SCTR: variants seen among roughly 807,000 people sequenced by gnomAD.
SCTR encodes pancreatic secretin receptor.
In SCTR, 56 loss-of-function variants were observed where a neutral mutation model predicts 60.8. The observed-to-expected ratio is 0.92, with a 90% CI of 0.74 to 1.15. The LOEUF is 1.15. Among genes scored for constraint, SCTR ranks in the 50% most tolerant of loss-of-function variants. The pLI is 0.00. For missense variants in SCTR, 562 were observed against 550.4 expected (o/e 1.02, Z -0.21); for synonymous variants, 202 against 217.0 (o/e 0.93, Z 0.61).
intron 2 of SCTR, among the ~76,000 whole-genome samples, chr2:119,480,335 C>T (rs941562794): frequency 1.3e-5 from 2 of 152,132 alleles, no homozygotes; most frequent in Non-Finnish European, 2.9e-5. Flanking sequence ...TCTTACATGG[C>T]GGTGGGCAGG....
At chr2:119,457,972 G>C (rs1305842309) in intron 7 of SCTR, among the ~76,000 whole-genome samples, 1 of 152,128 alleles carries the variant, frequency 6.6e-6, no homozygotes. Context: ...CCAAGTACAT[G>C]AATGACTTTG....
At chr2:119,506,198 T>C (rs1211683115) in intron 1 of SCTR, among the ~76,000 whole-genome samples, 1 of 152,188 alleles carries the variant, frequency 6.6e-6, no homozygotes, top group Non-Finnish European at 1.5e-5. Flanking sequence ...CAGAAAAACC[T>C]GTTCATAAAT....
In SCTR at chr2:119,446,824, C is replaced by G. The variant is rs770050926; in HGVS notation, c.1075G>C (p.Ala359Pro). Reference sequence around the variant, plus strand: ...TCCATAGCGTCCTCTGGGGAGAAGGCGAAGACGATGTAGTGGATGCCAAAG... The same window carrying G: ...TCCATAGCGTCCTCTGGGGAGAAGGGGAAGACGATGTAGTGGATGCCAAAG... ...PLFGIHYIVFAFSPEDAMEIQ... is the reference protein window; with the variant it reads ...PLFGIHYIVFPFSPEDAMEIQ... The change falls in exon 11 of 13, where the codon GCC (alanine) becomes CCC (proline). Residue 359 changes from alanine (A) to proline (P), a missense_variant. Coordinates refer to ENST00000019103, the MANE Select transcript of SCTR (RefSeq NM_002980.3). The G allele has an allele frequency of 3.8e-6, 6 of 1,581,816 alleles. No homozygotes were observed. Among genetic ancestry groups the G allele is most frequent in the African/African-American group, 1.4e-5 (1 of 73,576 alleles).
intron 9 of SCTR, among the ~76,000 whole-genome samples, chr2:119,450,015 G>T (rs1213466088): frequency 7.3e-6 from 1 of 137,828 alleles, no homozygotes; most frequent in Non-Finnish European, 1.6e-5. Flanking sequence ...AGGGAGGGAG[G>T]GAAGGAAGGC....
intron 3 of SCTR, 123 bp downstream of exon 3, chr2:119,478,688 C>T (rs1677449415): frequency 2.6e-6 from 2 of 783,868 alleles, no homozygotes; most frequent in African/African-American, 1.7e-5. Context: ...AGTGATCTCC[C>T]CCATCATTGT....
At chr2:119,511,611 T>G (rs2587669) in intron 1 of SCTR, among the ~76,000 whole-genome samples, 8,217 of 152,242 alleles carry the variant, frequency 0.054, 337 homozygotes, top group African/African-American at 0.1. Context: ...TTCCTCCGGA[T>G]ATTTCTGTCT....
chr2:119,465,284 A>G (rs1389890654), intron 5 of SCTR, among the ~76,000 whole-genome samples: 1 of 152,166 alleles, frequency 6.6e-6, no homozygotes, highest in Non-Finnish European at 1.5e-5. Context: ...TGTCTCTGCC[A>G]CTTCTGCAGA....
At chr2:119,517,590 T>G (rs1573933050) in intron 1 of SCTR, among the ~76,000 whole-genome samples, 1 of 152,096 alleles carries the variant, frequency 6.6e-6, no homozygotes, top group Non-Finnish European at 1.5e-5. Flanking sequence ...GTGAGTGAAG[T>G]GGAGGCAATG....
chr2:119,461,799 A>C (rs1233319320), intron 7 of SCTR, 48 bp downstream of exon 7: 28 of 1,523,290 alleles, frequency 1.8e-5, no homozygotes, highest in Non-Finnish European at 2.3e-5. Flanking sequence ...TCGACTCAGC[A>C]CCCCTTCCCA....
intron 12 of SCTR, among the ~76,000 whole-genome samples, chr2:119,440,791 A>C (rs1573773318): frequency 6.6e-6 from 1 of 152,354 alleles, no homozygotes; most frequent in East Asian, 1.9e-4. Context: ...ACCCAAGCTC[A>C]GAACTGATCT....
chr2:119,503,996 C>T (rs982333557), intron 1 of SCTR, among the ~76,000 whole-genome samples: 7 of 152,020 alleles, frequency 4.6e-5, no homozygotes, highest in East Asian at 1.9e-4. Context: ...TGGAAAGAAT[C>T]GGTTTACCTG....
chr2:119,517,817 C>G (rs1217247597), intron 1 of SCTR, among the ~76,000 whole-genome samples: 1 of 152,138 alleles, frequency 6.6e-6, no homozygotes, highest in Non-Finnish European at 1.5e-5. Flanking sequence ...GTCTGGGGAA[C>G]AGCCTCTCTT....
intron 4 of SCTR, 147 bp from the exon 5 acceptor site, chr2:119,466,033 C>T: frequency 4.8e-6 from 3 of 620,040 alleles, no homozygotes; most frequent in South Asian, 1.9e-5. Flanking sequence ...AGACACATAA[C>T]ACCGTAACAT....
At chr2:119,454,642 T>A (rs991640377) in intron 7 of SCTR, among the ~76,000 whole-genome samples, 1 of 151,964 alleles carries the variant, frequency 6.6e-6, no homozygotes, top group African/African-American at 2.4e-5. Context: ...TCACCCGAGG[T>A]CAGGAGTTCG....
intron 1 of SCTR, among the ~76,000 whole-genome samples, chr2:119,516,102 T>C (rs1033311776): frequency 1.3e-5 from 2 of 152,228 alleles, no homozygotes; most frequent in African/African-American, 4.8e-5. Context: ...AGGAGACTCT[T>C]ACATACTATT....
intron 6 of SCTR, 25 bp from the exon 7 acceptor site, chr2:119,462,025 C>G: frequency 4.4e-6 from 7 of 1,580,986 alleles, no homozygotes; most frequent in Non-Finnish European, 6.0e-6. Flanking sequence ...GCAGCTGAAC[C>G]CAGGCCGGGT....
chr2:119,473,626 T>C (rs1195771809), intron 3 of SCTR, 70 bp from the exon 4 acceptor site: 8 of 965,814 alleles, frequency 8.3e-6, no homozygotes, highest in Non-Finnish European at 1.4e-5. Flanking sequence ...TAACATCTAT[T>C]GTAACATGTA....
Position 119,524,140 on chromosome 2 carries a change from G to A in SCTR, c.72+15C>T. ...TCCCTCGGGTCCCCAGCCTGCAGAAGGGCGCAGTACTCACCGAGTGCGCGG... is the reference window on the plus strand; with the variant it reads ...TCCCTCGGGTCCCCAGCCTGCAGAAAGGCGCAGTACTCACCGAGTGCGCGG... On this transcript the variant is annotated intron_variant, in intron 1 of 12. Transcript: ENST00000019103. 1 of 1,543,596 alleles carries A rather than the reference G, an allele frequency of 6.5e-7. No individual in the cohort carries two copies. The highest frequency in any genetic ancestry group is 8.8e-7 in the Non-Finnish European group (1 of 1,142,344).
Position 119,461,831 on chromosome 2 carries a change from C to A in SCTR, c.790+16G>T. ...CCCACATACCATGCAGATATCAGAC[C>A]CAGGGAGAAACATACCCCATCCGAA... On this transcript the variant is annotated intron_variant, in intron 7 of 12. Transcript: ENST00000019103. 1.2e-6 allele frequency: 2 copies of A among 1,604,908 alleles called. No homozygotes were observed. The highest frequency in any genetic ancestry group is 1.7e-6 in the Non-Finnish European group (2 of 1,175,372).
Sources: allele counts gnomAD v4.1 joint callset (sites outside exome capture counted in the v4.1 genomes callset), GRCh38; gene constraint gnomAD v4.1.1; transcripts MANE v1.5; gene names NCBI Gene and HGNC (gene_info 2026-07-23, HGNC 2026-07-21).